Variants in MDGA2 observed in about 807,000 individuals in gnomAD.
MDGA2 encodes MAM domain containing glycosylphosphatidylinositol anchor 2.
Under a neutral mutation model 117.8 loss-of-function variants are expected in MDGA2, and 40 were observed. The observed-to-expected ratio is 0.34, with a 90% CI of 0.26 to 0.44. MDGA2 has a LOEUF of 0.44. Among genes scored for constraint, MDGA2 ranks in the 20% least tolerant of loss-of-function variants. The pLI, the probability that MDGA2 is intolerant of heterozygous loss-of-function variation, is 1.00. For missense variants in MDGA2, 1,123 were observed against 1,250.6 expected (o/e 0.90, Z 1.54); for synonymous variants, 452 against 439.0 (o/e 1.03, Z -0.37).
chr14:46,921,379 C>T (rs1884123343), intron 9 of MDGA2, among the ~76,000 whole-genome samples: 1 of 151,540 alleles, frequency 6.6e-6, no homozygotes, highest in South Asian at 2.1e-4. Context: ...GTGCTCGGAT[C>T]TCTTGAACCT....
intron 1 of MDGA2, among the ~76,000 whole-genome samples, chr14:47,512,924 A>C (rs1256734035): frequency 6.9e-6 from 1 of 144,128 alleles, no homozygotes; most frequent in Non-Finnish European, 1.5e-5. Context: ...CAAAAAATTG[A>C]CTAAATAGTA....
chr14:47,627,958 G>A (rs1566548685), intron 1 of MDGA2, among the ~76,000 whole-genome samples: 1 of 152,134 alleles, frequency 6.6e-6, no homozygotes, highest in East Asian at 1.9e-4. Flanking sequence ...TTTAAGAACT[G>A]TAACACTCAC....
Position 47,282,703 on chromosome 14 carries a change from A to C in MDGA2, c.420+18708T>G, listed in dbSNP as rs558706682. ...CAGAGCAAGAATGTGTCTCAAAAAAAAAAACAAAAAACAAAAAACAAAAAA... is the reference window on the plus strand; with the variant it reads ...CAGAGCAAGAATGTGTCTCAAAAAACAAAACAAAAAACAAAAAACAAAAAA... On this transcript the variant is annotated intron_variant, in intron 2 of 16. Coordinates refer to ENST00000399232, the MANE Select transcript of MDGA2 (RefSeq NM_001113498.3). Among the ~76,000 whole-genome samples, 36 of 149,328 alleles carry C rather than the reference A, an allele frequency of 2.4e-4. 1 individual carries two copies. The highest frequency in any genetic ancestry group is 4.2e-4 in the Non-Finnish European group (28 of 66,354).
intron 3 of MDGA2, among the ~76,000 whole-genome samples, chr14:47,173,858 T>C (rs1004816491): frequency 6.6e-5 from 10 of 152,082 alleles, no homozygotes; most frequent in Non-Finnish European, 1.3e-4. Flanking sequence ...GACTGGCAAA[T>C]TGGATAGAGT....
At chr14:47,348,219 T>C (rs1594810283) in intron 1 of MDGA2, among the ~76,000 whole-genome samples, 1 of 90,144 alleles carries the variant, frequency 1.1e-5, no homozygotes, top group Non-Finnish European at 2.5e-5. Flanking sequence ...AATCCTTAAA[T>C]TTTTTTTTTT....
intron 2 of MDGA2, among the ~76,000 whole-genome samples, chr14:47,266,056 A>G (rs778014299): frequency 3.3e-5 from 5 of 152,086 alleles, no homozygotes; most frequent in Non-Finnish European, 7.3e-5. Flanking sequence ...ACCTCATTTA[A>G]TCCTCACAGC....
chr14:47,084,964 G>C (rs1890844631), intron 6 of MDGA2, among the ~76,000 whole-genome samples: 1 of 151,850 alleles, frequency 6.6e-6, no homozygotes, highest in Non-Finnish European at 1.5e-5. Flanking sequence ...TCTAAATTCT[G>C]ATCAAAATGA....
chr14:47,413,930 C>A (rs116930174), intron 1 of MDGA2, among the ~76,000 whole-genome samples: 1 of 152,062 alleles, frequency 6.6e-6, no homozygotes, highest in Non-Finnish European at 1.5e-5. Context: ...ATTAAAACTA[C>A]ACAGTGCCTA....
At chr14:47,160,413 C>T (rs1338552632) in intron 3 of MDGA2, among the ~76,000 whole-genome samples, 1 of 152,076 alleles carries the variant, frequency 6.6e-6, no homozygotes, top group East Asian at 1.9e-4. Context: ...AACAAAAAAG[C>T]AGCTGAGAAG....
At chr14:47,151,093 G>A (rs1221762350) in intron 3 of MDGA2, among the ~76,000 whole-genome samples, 1 of 152,048 alleles carries the variant, frequency 6.6e-6, no homozygotes, top group African/African-American at 2.4e-5. Context: ...ATTCTTTGAC[G>A]AAGACATGCA....
At chr14:47,178,307 C>T (rs1884558959) in intron 3 of MDGA2, among the ~76,000 whole-genome samples, 1 of 152,096 alleles carries the variant, frequency 6.6e-6, no homozygotes, top group African/African-American at 2.4e-5. Flanking sequence ...CTTTCCATAT[C>T]TAAAAAGCAT....
intron 1 of MDGA2, among the ~76,000 whole-genome samples, chr14:47,621,974 A>G (rs1897057987): frequency 6.6e-6 from 1 of 152,258 alleles, no homozygotes; most frequent in African/African-American, 2.4e-5. Flanking sequence ...CATAGTGATG[A>G]TTAAATGAGA....
At position 47,131,900 on chromosome 14, in the gene MDGA2, A is replaced by G; in HGVS notation, c.793-54T>C. The G allele has an allele frequency of 2.2e-6, 3 of 1,392,258 alleles. No individual in the cohort carries two copies. The South Asian group carries it at 4.4e-5, about 20-fold the overall frequency. The allele number at this position is 1,392,258 out of a possible 1,614,324, so 86.2% of individuals were successfully genotyped here. A position where few individuals can be genotyped will look rare whatever the true frequency, so the allele number is the denominator to read the frequency against. Reference sequence around the variant, plus strand: ...ATTAGAAAAAGCCAACACAACCAGAATGAATGAAACATCACATCACATTAC... The same window carrying G: ...ATTAGAAAAAGCCAACACAACCAGAGTGAATGAAACATCACATCACATTAC... On this transcript the variant is annotated intron_variant, in intron 4 of 16. Transcript: ENST00000399232.
At chr14:47,537,448 A>G (rs1895238552) in intron 1 of MDGA2, among the ~76,000 whole-genome samples, 2 of 151,770 alleles carry the variant, frequency 1.3e-5, no homozygotes, top group South Asian at 4.2e-4. Context: ...TAAAACTTAG[A>G]GTATAATAAT....
At chr14:47,194,994 T>C (rs1275832184) in intron 3 of MDGA2, among the ~76,000 whole-genome samples, 1 of 152,096 alleles carries the variant, frequency 6.6e-6, no homozygotes, top group Non-Finnish European at 1.5e-5. Flanking sequence ...ATGACTGTAA[T>C]ATGAATGTGT....
intron 1 of MDGA2, among the ~76,000 whole-genome samples, chr14:47,632,843 T>C (rs1476252638): frequency 1.3e-5 from 2 of 152,270 alleles, no homozygotes; most frequent in Non-Finnish European, 2.9e-5. Context: ...AAGTTTTTTT[T>C]CAACAATAAA....
intron 8 of MDGA2, among the ~76,000 whole-genome samples, chr14:46,985,582 A>G (rs1342082395): frequency 6.6e-6 from 1 of 152,116 alleles, no homozygotes; most frequent in Non-Finnish European, 1.5e-5. Flanking sequence ...GTACTTAAAA[A>G]GAATCCAAAC....
chr14:47,006,423 TTATATG>T lies in MDGA2; in HGVS notation c.1819+28582_1819+28587del, dbSNP rs1168007532. The stretch of plus-strand genomic sequence containing the variant: ...AATTAAAATTATATTTATAATTATA[TTATATG>T]TATATGTTTTAATTATAATTATAAT... On this transcript the variant is annotated intron_variant, in intron 8 of 16. Coordinates refer to ENST00000399232, the MANE Select transcript of MDGA2 (RefSeq NM_001113498.3). Among the ~76,000 whole-genome samples the T allele has an allele frequency of 2.0e-4, 27 of 137,976 alleles. No individual in the cohort carries two copies. The East Asian group carries it at 2.6e-3, about 13-fold the overall frequency. 90.5% of individuals were successfully genotyped at this position (137,976 alleles called of 152,430 possible). A position where few individuals can be genotyped will look rare whatever the true frequency, so the allele number is the denominator to read the frequency against.
chr14:47,280,494 T>A (rs1888451701), intron 2 of MDGA2, among the ~76,000 whole-genome samples: 1 of 152,114 alleles, frequency 6.6e-6, no homozygotes, highest in African/African-American at 2.4e-5. Context: ...TATAGGTGTT[T>A]TACTATGATT....
Sources: gnomAD v4.1 joint callset for allele counts (sites outside exome capture counted in the v4.1 genomes callset) on GRCh38, gnomAD v4.1.1 for gene constraint, MANE v1.5 for transcripts, NCBI Gene and HGNC (gene_info 2026-07-23, HGNC 2026-07-21) for gene names.